FAAH2: variants seen among roughly 807,000 people sequenced by gnomAD.
The protein encoded by FAAH2 is fatty acid amide hydrolase 2.
FAAH2 carries 60 observed loss-of-function variants against 36.9 expected under a neutral mutation model. The ratio of observed to expected loss-of-function variants is 1.63; its 90% CI spans 1.32 to 2.02. The LOEUF is 2.02. FAAH2 is among the 30% of genes most tolerant of loss of function. FAAH2 has a pLI of 0.00. For missense variants in FAAH2, 689 were observed against 397.5 expected (o/e 1.73, Z -6.23); for synonymous variants, 214 against 143.8 (o/e 1.49, Z -3.49).
intron 10 of FAAH2, among the ~76,000 whole-genome samples, chrX:57,452,918 G>A (rs1347787866): frequency 4.5e-5 from 5 of 111,990 alleles, no homozygotes; most frequent in African/African-American, 1.6e-4. Flanking sequence ...ACAGCTTTGA[G>A]GTACAAAACT....
rs891778428 is a variant in FAAH2, at chrX:57,347,033, A to G, written c.742+5643A>G. Among the ~76,000 whole-genome samples, 6 of 111,134 alleles carry G rather than the reference A, an allele frequency of 5.4e-5. No homozygotes were observed. The Admixed American group carries it at 5.8e-4, about 11-fold the overall frequency. Reference sequence around the variant, plus strand: ...ATTGACCTTGGTGAATCTGATGGCTATGTTCCTTGTGGATGGTCATCTTGT... The same window carrying G: ...ATTGACCTTGGTGAATCTGATGGCTGTGTTCCTTGTGGATGGTCATCTTGT... On this transcript the variant is annotated intron_variant, in intron 5 of 10. Transcript: ENST00000374900.
At chrX:57,382,641 C>T (rs1259636916) in intron 7 of FAAH2, among the ~76,000 whole-genome samples, 2 of 111,549 alleles carry the variant, frequency 1.8e-5, no homozygotes, top group Admixed American at 1.9e-4. Context: ...AGTTGAATCT[C>T]TGAATAGACC....
chrX:57,394,831 G>A, intron 7 of FAAH2: 1 of 1,097,304 alleles, frequency 9.1e-7, no homozygotes, highest in Non-Finnish European at 1.3e-6. Context: ...CAGTCTTGGA[G>A]TGGCAGGTGG....
the FAAH2 span, among the ~76,000 whole-genome samples, chrX:57,195,298 G>A: frequency 9.9e-5 from 11 of 110,625 alleles, no homozygotes; most frequent in Non-Finnish European, 1.5e-4. Context: ...TTAAATTATC[G>A]CCATTCTTGT....
At chrX:57,323,649 G>T (rs1219205332) in intron 3 of FAAH2, among the ~76,000 whole-genome samples, 1 of 98,889 alleles carries the variant, frequency 1.0e-5, no homozygotes, top group East Asian at 3.2e-4. Context: ...AGAAGTGTCT[G>T]TTCATATCCT....
chrX:57,255,713 CA>C, the FAAH2 span, among the ~76,000 whole-genome samples: 1 of 111,787 alleles, frequency 8.9e-6, no homozygotes, highest in African/African-American at 3.3e-5. Context: ...AGACCTTCGA[CA>C]AAAATTCAAC....
chrX:57,365,246 T>C (rs1185411805), intron 5 of FAAH2, among the ~76,000 whole-genome samples: 1 of 112,190 alleles, frequency 8.9e-6, no homozygotes, highest in Non-Finnish European at 1.9e-5. Context: ...CTTGAAAGGC[T>C]GGTCTGACGT....
At chrX:57,366,810 G>C (rs1355715817) in intron 5 of FAAH2, among the ~76,000 whole-genome samples, 2 of 112,465 alleles carry the variant, frequency 1.8e-5, no homozygotes, top group Non-Finnish European at 3.8e-5. Flanking sequence ...TAGCAGATAA[G>C]GGGGAGCTCA....
intron 7 of FAAH2, among the ~76,000 whole-genome samples, chrX:57,406,440 T>A (rs1278979126): frequency 9.0e-6 from 1 of 111,535 alleles, no homozygotes. Context: ...GGTACTCTAA[T>A]GAATTATGGA....
intron 10 of FAAH2, among the ~76,000 whole-genome samples, chrX:57,470,206 G>A (rs1033059180): frequency 1.7e-4 from 19 of 110,259 alleles, no homozygotes; most frequent in African/African-American, 4.9e-4. Context: ...GAGCAAGAGC[G>A]AACACATTCA....
intron 10 of FAAH2, among the ~76,000 whole-genome samples, chrX:57,482,660 C>T (rs2057400996): frequency 9.3e-6 from 1 of 107,644 alleles, no homozygotes; most frequent in Non-Finnish European, 1.9e-5. Context: ...TCAATGGGAG[C>T]TGCAGACCAG....
At chrX:57,358,957 G>A (rs920079982) in intron 5 of FAAH2, among the ~76,000 whole-genome samples, 1 of 110,709 alleles carries the variant, frequency 9.0e-6, no homozygotes, top group Non-Finnish European at 1.9e-5. Flanking sequence ...TTTGATACAG[G>A]CATAAAATGC....
At chrX:57,351,908 C>T in intron 5 of FAAH2, among the ~76,000 whole-genome samples, 1 of 102,147 alleles carries the variant, frequency 9.8e-6, no homozygotes, top group South Asian at 4.4e-4. Flanking sequence ...CTATACCAAT[C>T]ATACTGATAT....
At chrX:57,266,942 T>C in the FAAH2 span, among the ~76,000 whole-genome samples, 1 of 112,532 alleles carries the variant, frequency 8.9e-6, no homozygotes, top group Non-Finnish European at 1.9e-5. Flanking sequence ...ACCTGATCTC[T>C]GCAGGGCAGC....
intron 4 of FAAH2, 74 bp from the exon 5 acceptor site, chrX:57,341,197 A>G (rs1172121485): frequency 9.4e-7 from 1 of 1,065,314 alleles, no homozygotes; most frequent in Non-Finnish European, 1.2e-6. Context: ...TTGAAAGTGA[A>G]AAGATGGAAA....
intron 5 of FAAH2, among the ~76,000 whole-genome samples, chrX:57,352,050 GTA>G (rs201980797): frequency 1.7e-3 from 6 of 3,433 alleles, no homozygotes; most frequent in African/African-American, 2.4e-3. Flanking sequence ...ATATATATGT[GTA>G]TATATATATA....
chrX:57,481,966 A>C (rs1188512977), intron 10 of FAAH2, among the ~76,000 whole-genome samples: 1 of 111,654 alleles, frequency 9.0e-6, no homozygotes, highest in Non-Finnish European at 1.9e-5. Flanking sequence ...CTGAGGAAGA[A>C]TCTAGGGATT....
intron 5 of FAAH2, among the ~76,000 whole-genome samples, chrX:57,347,463 C>T (rs1286177837): frequency 1.8e-5 from 2 of 110,874 alleles, no homozygotes; most frequent in Non-Finnish European, 3.8e-5. Flanking sequence ...GTTCTTAGAT[C>T]ATTTTAATGG....
intron 10 of FAAH2, among the ~76,000 whole-genome samples, chrX:57,477,437 T>C (rs942976156): frequency 1.8e-5 from 2 of 110,672 alleles, no homozygotes; most frequent in African/African-American, 6.5e-5. Context: ...ACTGTGGCTG[T>C]TTTTGTTTTG....
Sources: gnomAD v4.1 joint callset for allele counts (sites outside exome capture counted in the v4.1 genomes callset) on GRCh38, gnomAD v4.1.1 for gene constraint, MANE v1.5 for transcripts, NCBI Gene and HGNC (gene_info 2026-07-23, HGNC 2026-07-21) for gene names.